Variants in IPP observed in about 807,000 individuals in gnomAD.
IPP encodes intracisternal A particle-promoted polypeptide.
A neutral mutation model predicts 64.1 loss-of-function variants in IPP; 41 were observed. That is an observed-to-expected ratio of 0.64 (90% CI 0.50 to 0.83). The LOEUF (loss-of-function observed/expected upper bound fraction) is 0.83. Ranked by LOEUF, IPP falls within the 40% of genes least tolerant of loss-of-function variation. The pLI, the probability that IPP is intolerant of heterozygous loss-of-function variation, is 0.00. For missense variants in IPP, 649 were observed against 703.0 expected, an observed-to-expected ratio of 0.92 and a Z score of 0.87; for synonymous variants, 214 against 235.2, an observed-to-expected ratio of 0.91 and a Z score of 0.83.
chr1:45,704,383 G>A (rs1311127168), intron 8 of IPP, among the ~76,000 whole-genome samples: 7 of 151,924 alleles, frequency 4.6e-5, no homozygotes, highest in African/African-American at 9.7e-5. Flanking sequence ...GATTATAGGC[G>A]CCTGCCACCA....
At chr1:45,719,751 A>G (rs1645706725) in intron 5 of IPP, among the ~76,000 whole-genome samples, 1 of 152,198 alleles carries the variant, frequency 6.6e-6, no homozygotes. Context: ...TTGGAGACGG[A>G]GTCTCGCTCT....
At position 45,746,266 on chromosome 1, in the gene IPP, T is replaced by G; in HGVS notation, c.146A>C (p.Lys49Thr). 1 of 1,614,182 alleles carries G rather than the reference T, an allele frequency of 6.2e-7. No homozygotes were observed. The highest frequency in any genetic ancestry group is 1.3e-5 in the African/African-American group (1 of 75,042). ...GGCAGCCAAAACCAGCCGATGAGCT[T>G]TAAAACTTTCCTGTCCAACTTGCAG... ...VQLQVGQESF[K>T]AHRLVLAASS... Residue 49 changes from lysine (K) to threonine (T), a missense_variant, in exon 2 of 9, where the codon AAA (lysine) becomes ACA (threonine). By Grantham distance (78) the Lys-to-Thr change is moderately conservative. Coordinates refer to ENST00000396478, the MANE Select transcript of IPP (RefSeq NM_005897.3).
intron 8 of IPP, among the ~76,000 whole-genome samples, chr1:45,703,635 C>T (rs959769552): frequency 2.0e-5 from 3 of 151,916 alleles, no homozygotes; most frequent in Non-Finnish European, 4.4e-5. Context: ...CTAATTTAAC[C>T]TGGTTTAACC....
intron 8 of IPP, among the ~76,000 whole-genome samples, chr1:45,711,041 A>G (rs912353633): frequency 9.3e-6 from 1 of 107,570 alleles, no homozygotes; most frequent in African/African-American, 3.5e-5. Context: ...CAAAAAAAAA[A>G]AGACCACAAC....
intron 2 of IPP, among the ~76,000 whole-genome samples, chr1:45,742,923 T>TTTTTTTTA (rs60274537): frequency 0.015 from 2,242 of 151,606 alleles, 35 homozygotes; most frequent in Non-Finnish European, 0.025. Context: ...CTTCACTTTC[T>TTTTTTTTA]TTTTTTTATT....
intron 8 of IPP, among the ~76,000 whole-genome samples, chr1:45,706,430 A>G (rs1645513000): frequency 6.6e-6 from 1 of 152,066 alleles, no homozygotes; most frequent in Non-Finnish European, 1.5e-5. Flanking sequence ...GCAAGATCTC[A>G]TCTCTGAAAA....
chr1:45,712,540 A>G (rs1645604064), intron 8 of IPP, among the ~76,000 whole-genome samples: 1 of 151,880 alleles, frequency 6.6e-6, no homozygotes, highest in Non-Finnish European at 1.5e-5. Flanking sequence ...TAGTCAAACA[A>G]GAAATTACCA....
intron 3 of IPP, among the ~76,000 whole-genome samples, chr1:45,732,372 A>AAAAAAC (rs1645921452): frequency 1.3e-5 from 2 of 151,098 alleles, no homozygotes; most frequent in Non-Finnish European, 2.9e-5. Context: ...AAAAAAAAAA[A>AAAAAAC]AAAAAAAACA....
At position 45,719,245 on chromosome 1, in the gene IPP, C is replaced by T. The variant is rs376097815; in HGVS notation, c.1144G>A (p.Gly382Ser). 4.8e-5 allele frequency: 78 copies of T among 1,613,798 alleles called. No individual in the cohort carries two copies. The highest frequency in any genetic ancestry group is 2.6e-4 in the South Asian group (24 of 91,064). Residue 382 changes from glycine (G) to serine (S), a missense_variant, in exon 6 of 9, where the codon GGC (glycine) becomes AGC (serine). Physicochemically the swap from Gly to Ser is moderately conservative, Grantham distance 56 (BLOSUM62 0). Coordinates refer to ENST00000396478, the MANE Select transcript of IPP (RefSeq NM_005897.3). ...TVASMNHPRCGLGVCVCYGAI... is the reference protein window; with the variant it reads ...TVASMNHPRCSLGVCVCYGAI... Reference sequence around the variant, plus strand: ...CCATAACACACACACACTCCTAAGCCGCAGCGGGGATGATTCATCGAAGCT... The same window carrying T: ...CCATAACACACACACACTCCTAAGCTGCAGCGGGGATGATTCATCGAAGCT...
chr1:45,728,126 CTGTGTGTGTGTGTGTGTGTGTGTGTGTG>C (rs371114917), intron 4 of IPP, among the ~76,000 whole-genome samples: 1 of 132,234 alleles, frequency 7.6e-6, no homozygotes, highest in Non-Finnish European at 1.6e-5. Context: ...GAGTTGAAAG[CTGTGTGTGTGTGTGTGTGTGTGTGTGTG>C]TGTGTGTGTG....
chr1:45,708,184 C>A (rs1645539587), intron 8 of IPP, among the ~76,000 whole-genome samples: 1 of 151,580 alleles, frequency 6.6e-6, no homozygotes, highest in South Asian at 2.1e-4. Context: ...CCTGCCTCAG[C>A]CTCCCAAGTG....
At position 45,748,344 on chromosome 1, in the gene IPP, C is replaced by A. The variant is rs193130380; in HGVS notation, c.-50-1883G>T. Reference sequence around the variant, plus strand: ...GGGGACAGGGTCTCACTCTGTCACCCAAATTGAAGTGAAAAATAAATTTTT... The same window carrying A: ...GGGGACAGGGTCTCACTCTGTCACCAAAATTGAAGTGAAAAATAAATTTTT... On this transcript the variant is annotated intron_variant, in intron 1 of 8. Coordinates refer to ENST00000396478, the MANE Select transcript of IPP (RefSeq NM_005897.3). 3.2e-4 allele frequency among the ~76,000 whole-genome samples: 49 copies of A among 151,962 alleles called. No individual in the cohort carries two copies. The East Asian group carries it at 7.1e-3, about 22-fold the overall frequency.
At chr1:45,721,859 A>AGACCAGCCT (rs368859433) in intron 5 of IPP, among the ~76,000 whole-genome samples, 1 of 152,144 alleles carries the variant, frequency 6.6e-6, no homozygotes. Flanking sequence ...CAGGAGTTCT[A>AGACCAGCCT]GACCAGCCTG....
chr1:45,750,014 C>A (rs1010261850), intron 1 of IPP, among the ~76,000 whole-genome samples: 4 of 152,076 alleles, frequency 2.6e-5, no homozygotes, highest in African/African-American at 9.7e-5. Context: ...GATCGCACCA[C>A]TGCATTCCAG....
At position 45,698,947 on chromosome 1, in the gene IPP, C is replaced by A; in HGVS notation, c.*1019G>T. 1.5e-6 allele frequency: 1 copy of A among 665,230 alleles called. No homozygotes were observed. The highest frequency in any genetic ancestry group is 6.7e-5 in the South Asian group (1 of 14,892). The allele number at this position is 665,230 out of a possible 1,614,324, so 41.2% of individuals were successfully genotyped here. A position where few individuals can be genotyped will look rare whatever the true frequency, so the allele number is the denominator to read the frequency against. ...ACGTTGCCCAGGCTAGTCTCGAACT[C>A]CTGAGTTCAAGCCATCTTCCCGTCT... On this transcript the variant is annotated 3_prime_UTR_variant, in exon 9 of 9. Coordinates refer to ENST00000396478, the MANE Select transcript of IPP (RefSeq NM_005897.3).
rs79943063 is a variant in IPP, at chr1:45,722,552, A to T, written c.1049-3212T>A. ...AGAGCGAGACTCCATCTCAAAAAAT[A>T]AAAAAATGAAATAAAAATAAATATT... is the stretch of plus-strand genomic sequence containing the variant. On this transcript the variant is annotated intron_variant, in intron 5 of 8. Transcript: ENST00000396478. Among the ~76,000 whole-genome samples, 13 of 144,208 alleles carry T rather than the reference A, an allele frequency of 9.0e-5. No individual in the cohort carries two copies. The South Asian group carries it at 9.3e-4, about 10-fold the overall frequency. The allele number at this position is 144,208 out of a possible 152,430, so 94.6% of individuals were successfully genotyped here. A position where few individuals can be genotyped will look rare whatever the true frequency, so the allele number is the denominator to read the frequency against.
At chr1:45,700,286 G>T in intron 8 of IPP, 96 bp from the exon 9 acceptor site, 1 of 1,438,476 alleles carries the variant, frequency 7.0e-7, no homozygotes, top group Non-Finnish European at 9.2e-7. Flanking sequence ...CTTTTTACAT[G>T]TTTAAATGTA....
At chr1:45,720,317 A>G (rs892764601) in intron 5 of IPP, among the ~76,000 whole-genome samples, 2 of 152,212 alleles carry the variant, frequency 1.3e-5, no homozygotes, top group African/African-American at 2.4e-5. Flanking sequence ...GATAACATTT[A>G]TAAATTTTAT....
chr1:45,747,576 C>G (rs2148587106), intron 1 of IPP, among the ~76,000 whole-genome samples: 1 of 152,068 alleles, frequency 6.6e-6, no homozygotes, highest in South Asian at 2.1e-4. Context: ...GCCTGTAATC[C>G]CAGCACGTTG....
Sources: allele counts gnomAD v4.1 joint callset (sites outside exome capture counted in the v4.1 genomes callset), GRCh38; gene constraint gnomAD v4.1.1; transcripts MANE v1.5; gene names NCBI Gene and HGNC (gene_info 2026-07-23, HGNC 2026-07-21).